TPRKB: variants seen among roughly 807,000 people sequenced by gnomAD.
The protein encoded by TPRKB is TP53RK binding protein.
TPRKB carries 11 observed loss-of-function variants against 17.8 expected under a neutral mutation model. That is an observed-to-expected ratio of 0.62 (90% confidence interval 0.39 to 1.02). The LOEUF (loss-of-function observed/expected upper bound fraction) is 1.02, where lower values mean the gene tolerates loss of function less well. Ranked by LOEUF, TPRKB falls within the 50% of genes least tolerant of loss-of-function variation. The pLI, the probability that TPRKB is intolerant of heterozygous loss-of-function variation, is 0.00. For missense variants in TPRKB, 228 were observed against 198.0 expected (o/e 1.15, Z -0.91); for synonymous variants, 71 against 69.5 (o/e 1.02, Z -0.11).
intron 4 of TPRKB, 156 bp from the exon 5 acceptor site, chr2:73,730,185 G>A (rs1484154592): frequency 3.3e-6 from 3 of 905,560 alleles, no homozygotes; most frequent in Non-Finnish European, 4.6e-6. Flanking sequence ...AAAGTAGAGG[G>A]CAATTCATTA....
chr2:73,730,184 G>A, intron 4 of TPRKB, 155 bp from the exon 5 acceptor site: 1 of 919,290 alleles, frequency 1.1e-6, no homozygotes. Flanking sequence ...CAAAGTAGAG[G>A]GCAATTCATT....
Position 73,734,451 on chromosome 2 carries a change from C to A in TPRKB, c.119G>T (p.Gly40Val). ...RRKAMEGTID[G>V]SLINPTVIVD... ...TACCACTGTAGGATTTATCAGTGAT[C>A]CATCGATGGTGCCTTCCATGGCCTT... The change falls in exon 2 of 5, where the codon GGA becomes GTA. Residue 40 changes from glycine to valine, a missense_variant. Gly to Val is a moderately radical substitution (Grantham distance 109, BLOSUM62 -3). Coordinates refer to ENST00000272424, the MANE Select transcript of TPRKB (RefSeq NM_016058.5). 2 of 1,613,178 alleles carry A rather than the reference C, an allele frequency of 1.2e-6. No homozygotes were observed. The highest frequency in any genetic ancestry group is 1.7e-6 in the Non-Finnish European group (2 of 1,179,726).
Position 73,734,643 on chromosome 2 carries a change from A to T in TPRKB, c.-22-52T>A, listed in dbSNP as rs889262197. The stretch of plus-strand genomic sequence containing the variant: ...GATTTCATTTAAAAGTTAACATCAG[A>T]ACTCATTTCTTAATAAATATTCAAA... On this transcript the variant is annotated intron_variant, in intron 1 of 4. Coordinates refer to ENST00000272424, the MANE Select transcript of TPRKB (RefSeq NM_016058.5). The T allele has an allele frequency of 9.1e-6, 13 of 1,420,768 alleles. No individual in the cohort carries two copies. In the Admixed American group the frequency reaches 3.2e-4, roughly 34 times the overall value. The allele number at this position is 1,420,768 out of a possible 1,614,324, so 88.0% of individuals were successfully genotyped here.
In TPRKB at chr2:73,731,024, C is replaced by T. The variant is rs546823195; in HGVS notation, c.265-288G>A. 5 of 239,888 alleles carry T rather than the reference C, an allele frequency of 2.1e-5. No individual in the cohort carries two copies. The East Asian group carries it at 4.0e-4, about 19-fold the overall frequency. 14.9% of individuals were successfully genotyped at this position (239,888 alleles called of 1,614,324 possible). ...CTCTGGTGCCAAGTGGCCCTCCAGCCAGGCGCTTCTGCCTTCTGGCCAGTC... is the reference window on the plus strand; with the variant it reads ...CTCTGGTGCCAAGTGGCCCTCCAGCTAGGCGCTTCTGCCTTCTGGCCAGTC... On this transcript the variant is annotated intron_variant, in intron 3 of 4. Transcript: ENST00000272424.
At chr2:73,732,808 T>A (rs12713795) in intron 2 of TPRKB, 87,853 of 152,624 alleles carry the variant, frequency 0.58, 26,621 homozygotes, top group East Asian at 0.7. Context: ...AATAGTAAAA[T>A]TTTTTTAAAT....
At chr2:73,734,924 G>A (rs1403497295) in intron 1 of TPRKB, among the ~76,000 whole-genome samples, 8 of 152,214 alleles carry the variant, frequency 5.3e-5, no homozygotes, top group African/African-American at 1.7e-4. Context: ...GGTTGCTTAC[G>A]GTATTAATGA....
rs181652075 is a variant in TPRKB, at chr2:73,737,321, C to G, written c.-42G>C. 6 of 152,430 alleles carry G rather than the reference C, an allele frequency of 3.9e-5. No individual in the cohort carries two copies. The highest frequency in any genetic ancestry group is 1.3e-4 in the Admixed American group (2 of 15,308). 9.4% of individuals were successfully genotyped at this position (152,430 alleles called of 1,614,324 possible). A position where few individuals can be genotyped will look rare whatever the true frequency, so the allele number is the denominator to read the frequency against. On this transcript the variant is annotated 5_prime_UTR_variant, in exon 1 of 5. Transcript: ENST00000272424. Reference sequence around the variant, plus strand: ...ACTCACCATCCGGCCCCCAGTGCGTCTCGGAAGAGCTCCCGCTCCGAAACA... The same window carrying G: ...ACTCACCATCCGGCCCCCAGTGCGTGTCGGAAGAGCTCCCGCTCCGAAACA...
chr2:73,730,684 AGAATT>A lies in TPRKB; in HGVS notation c.312_316del (p.Ile105AsnfsTer5). Reference sequence around the variant, plus strand: ...TTCTCCCTCTTCAATGTAAACAATTAGAATTGAAGTGTCATTTGCTGAGATACCAA... The same window carrying A: ...TTCTCCCTCTTCAATGTAAACAATTAGAAGTGTCATTTGCTGAGATACCAA... On this transcript the variant is annotated frameshift_variant, in exon 4 of 5. Transcript: ENST00000272424. LOFTEE classifies it high-confidence loss of function. 6.4e-7 allele frequency: 1 copy of A among 1,564,980 alleles called. No individual in the cohort carries two copies. Among genetic ancestry groups the A allele is most frequent in the Non-Finnish European group, 8.6e-7 (1 of 1,163,658 alleles).
chr2:73,734,693 G>T, intron 1 of TPRKB, 102 bp from the exon 2 acceptor site: 1 of 1,092,614 alleles, frequency 9.2e-7, no homozygotes, highest in Non-Finnish European at 1.3e-6. Flanking sequence ...CTTGATAAAA[G>T]TGTTAAACTA....
intron 2 of TPRKB, among the ~76,000 whole-genome samples, chr2:73,734,079 T>C (rs1263175063): frequency 1.3e-5 from 2 of 150,250 alleles, no homozygotes; most frequent in Admixed American, 1.3e-4. Context: ...GGGCTGGGAT[T>C]ACAGGCGTGA....
chr2:73,730,763 A>C lies in TPRKB; in HGVS notation c.265-27T>G, dbSNP rs201604753. ...TAAGAGAAAAAAAATGAAAAAAAAA[A>C]CACAAGATCATTAACCATTGTTTCC... On this transcript the variant is annotated intron_variant, in intron 3 of 4. Coordinates refer to ENST00000272424, the MANE Select transcript of TPRKB (RefSeq NM_016058.5). 236 of 1,446,898 alleles carry C rather than the reference A, an allele frequency of 1.6e-4. 1 individual carries two copies. The highest frequency in any genetic ancestry group is 7.3e-4 in the Middle Eastern group (4 of 5,486). The allele number at this position is 1,446,898 out of a possible 1,614,324, so 89.6% of individuals were successfully genotyped here.
chr2:73,731,276 G>A (rs1264495785), intron 3 of TPRKB: 1 of 152,098 alleles, frequency 6.6e-6, no homozygotes, highest in Non-Finnish European at 1.5e-5. Context: ...TTTATCTTAG[G>A]GCATTTTAAC....
chr2:73,730,940 C>T (rs147680845), intron 3 of TPRKB: 8 of 409,608 alleles, frequency 2.0e-5, no homozygotes, highest in East Asian at 1.7e-4. Context: ...CTTAAAGGTA[C>T]GCCTTGTTCC....
chr2:73,733,538 C>T (rs550802576), intron 2 of TPRKB, among the ~76,000 whole-genome samples: 6 of 152,128 alleles, frequency 3.9e-5, no homozygotes, highest in Admixed American at 2.0e-4. Flanking sequence ...TTAACCACTA[C>T]ACTATTCCTC....
At position 73,730,608 on chromosome 2, in the gene TPRKB, A is replaced by T; in HGVS notation, c.393T>A (p.Val131=). Residue 131 remains valine, a synonymous_variant, in exon 4 of 5, where the codon GTT becomes GTA. Coordinates refer to ENST00000272424, the MANE Select transcript of TPRKB (RefSeq NM_016058.5). ...TTATTTCAGGAAGATTTTTCAGAGA[A>T]ACCTGATGACCTTCTACTTGAGATA... ...YLISQVEGHQ[V]SLKNLPEIMN... 6.3e-7 allele frequency: 1 copy of T among 1,591,986 alleles called. No homozygotes were observed. The highest frequency in any genetic ancestry group is 8.5e-7 in the Non-Finnish European group (1 of 1,173,564).
intron 4 of TPRKB, chr2:73,730,282 T>C (rs1159103930): frequency 2.4e-6 from 1 of 423,970 alleles, no homozygotes; most frequent in Non-Finnish European, 4.0e-6. Context: ...GCATACTAAA[T>C]TTATTTTACA....
rs1226159681 is a variant in TPRKB, at chr2:73,732,232, G to A, written c.195C>T (p.Tyr65=). ...TTCTTGTCTTCATTTTTCCCAGTTT[G>A]TAGAGGTGAACTGCTTTGTTTGCTG... ...LVAANKAVHL[Y]KLGKMKTRTL... The change falls in exon 3 of 5, where the codon TAC becomes TAT. Residue 65 remains tyrosine, a synonymous_variant. Coordinates refer to ENST00000272424, the MANE Select transcript of TPRKB (RefSeq NM_016058.5). The A allele has an allele frequency of 1.2e-6, 2 of 1,613,808 alleles. No individual in the cohort carries two copies. Among genetic ancestry groups the A allele is most frequent in the Non-Finnish European group, 1.7e-6 (2 of 1,179,894 alleles).
intron 2 of TPRKB, among the ~76,000 whole-genome samples, chr2:73,734,158 G>A (rs1383718692): frequency 2.0e-5 from 3 of 151,496 alleles, no homozygotes; most frequent in Non-Finnish European, 2.9e-5. Flanking sequence ...GAGTGCAATG[G>A]CGCAATCTTG....
chr2:73,730,791 C>A, intron 3 of TPRKB, 55 bp from the exon 4 acceptor site: 1 of 1,284,472 alleles, frequency 7.8e-7, no homozygotes. Context: ...TTGTTTCCTA[C>A]GTCTGAAACA....
Sources: gnomAD v4.1 joint callset for allele counts (sites outside exome capture counted in the v4.1 genomes callset) on GRCh38, gnomAD v4.1.1 for gene constraint, MANE v1.5 for transcripts, NCBI Gene and HGNC (gene_info 2026-07-23, HGNC 2026-07-21) for gene names.